Variants in SULF1 observed in about 807,000 individuals in gnomAD.
SULF1 encodes sulfatase 1.
SULF1 carries 46 observed loss-of-function variants against 110.5 expected under a neutral mutation model. The ratio of observed to expected loss-of-function variants is 0.42; its 90% CI spans 0.33 to 0.53. The LOEUF (loss-of-function observed/expected upper bound fraction) is 0.53. Ranked by LOEUF, SULF1 falls within the 20% of genes least tolerant of loss-of-function variation. SULF1 has a pLI of 0.12. For missense variants in SULF1, 941 were observed against 1,094.2 expected (o/e 0.86, Z 1.98); for synonymous variants, 371 against 387.1 (o/e 0.96, Z 0.49).
chr8:69,562,591 G>C (rs1167712210), intron 3 of SULF1, among the ~76,000 whole-genome samples: 2 of 152,150 alleles, frequency 1.3e-5, no homozygotes, highest in Non-Finnish European at 2.9e-5. Context: ...CTTTCCAAGA[G>C]AAAAGCTTTC....
chr8:69,626,712 G>C (rs780279630), intron 15 of SULF1, among the ~76,000 whole-genome samples: 2 of 152,220 alleles, frequency 1.3e-5, no homozygotes, highest in Non-Finnish European at 2.9e-5. Flanking sequence ...CCGCTGGCCC[G>C]GGTGCTAAGC....
chr8:69,614,086 T>G (rs970030660), intron 13 of SULF1, among the ~76,000 whole-genome samples: 1 of 152,036 alleles, frequency 6.6e-6, no homozygotes, highest in Non-Finnish European at 1.5e-5. Context: ...CATGTGTGGG[T>G]GTATGTATGT....
At chr8:69,478,131 G>T (rs976686186) in intron 1 of SULF1, among the ~76,000 whole-genome samples, 3 of 152,118 alleles carry the variant, frequency 2.0e-5, no homozygotes, top group African/African-American at 7.2e-5. Flanking sequence ...AGGATTACAG[G>T]TGCAAGCCAC....
chr8:69,616,053 T>C (rs754036589), intron 13 of SULF1, among the ~76,000 whole-genome samples: 6 of 151,024 alleles, frequency 4.0e-5, no homozygotes, highest in South Asian at 4.2e-4. Context: ...AATATATATA[T>C]ACACACACAT....
chr8:69,497,346 C>T (rs1436492347), intron 2 of SULF1, among the ~76,000 whole-genome samples: 3 of 151,878 alleles, frequency 2.0e-5, no homozygotes, highest in Non-Finnish European at 2.9e-5. Flanking sequence ...TTAGTAGAGA[C>T]GGGGTTTCAC....
intron 2 of SULF1, among the ~76,000 whole-genome samples, chr8:69,499,944 G>A (rs896418450): frequency 2.0e-5 from 3 of 151,872 alleles, no homozygotes; most frequent in African/African-American, 7.3e-5. Context: ...TGAGATGAGG[G>A]TCCCACTGTG....
chr8:69,492,398 G>C (rs1337954783), upstream of SULF1, among the ~76,000 whole-genome samples: 4 of 152,018 alleles, frequency 2.6e-5, no homozygotes, highest in Admixed American at 2.0e-4. Context: ...GAAAACAAGA[G>C]ACCAGGAATA....
intron 1 of SULF1, among the ~76,000 whole-genome samples, chr8:69,472,340 A>C (rs989576039): frequency 6.6e-6 from 1 of 152,206 alleles, no homozygotes; most frequent in Non-Finnish European, 1.5e-5. Flanking sequence ...GAGCTTCCAG[A>C]AGTAATTGAT....
intron 3 of SULF1, among the ~76,000 whole-genome samples, chr8:69,531,516 C>T (rs753459843): frequency 4.6e-5 from 7 of 152,122 alleles, no homozygotes; most frequent in Non-Finnish European, 7.4e-5. Context: ...TAAATCATTT[C>T]GAATTTTTTA....
intron 22 of SULF1, among the ~76,000 whole-genome samples, chr8:69,657,142 G>T (rs999231510): frequency 2.0e-5 from 3 of 152,166 alleles, no homozygotes; most frequent in Non-Finnish European, 4.4e-5. Flanking sequence ...ATTCTTTTCT[G>T]TGAGTGTAAC....
intron 6 of SULF1, 80 bp downstream of exon 6, chr8:69,576,289 A>G (rs1805606576): frequency 6.7e-7 from 1 of 1,495,496 alleles, no homozygotes; most frequent in Non-Finnish European, 9.0e-7. Flanking sequence ...AATGAAATGC[A>G]TGAAGTTCCA....
intron 5 of SULF1, 53 bp from the exon 6 acceptor site, chr8:69,575,917 T>C: frequency 6.3e-7 from 1 of 1,588,868 alleles, no homozygotes; most frequent in Admixed American, 1.7e-5. Flanking sequence ...ACAATCGAAA[T>C]AGGCATTCAT....
chr8:69,486,325 A>T (rs115580685), intron 1 of SULF1, among the ~76,000 whole-genome samples: 2,653 of 141,578 alleles, frequency 0.019, 83 homozygotes, highest in African/African-American at 0.067. Flanking sequence ...CTTTTTTTAA[A>T]AAAAAAAAAT....
At position 69,604,842 on chromosome 8, in the gene SULF1, C is replaced by G; in HGVS notation, c.1287C>G (p.Ile429Met). ...AGAAGGAAGAATCCAGCAAGAATATCCAACAGTCAAATCACTTGCCCAAAT... is the reference window on the plus strand; with the variant it reads ...AGAAGGAAGAATCCAGCAAGAATATGCAACAGTCAAATCACTTGCCCAAAT... Reference protein sequence around the residue: ...LRKKEESSKNIQQSNHLPKYE... With the variant: ...LRKKEESSKNMQQSNHLPKYE... The change falls in exon 13 of 23, where the codon ATC becomes ATG. Residue 429 changes from isoleucine (I) to methionine (M), a missense_variant. Ile to Met is a conservative substitution (Grantham distance 10, BLOSUM62 1). Transcript: ENST00000402687. The G allele has an allele frequency of 6.2e-7, 1 of 1,614,152 alleles. No homozygotes were observed. The highest frequency in any genetic ancestry group is 8.5e-7 in the Non-Finnish European group (1 of 1,180,034).
intron 16 of SULF1, 84 bp from the exon 17 acceptor site, chr8:69,627,688 C>T (rs1216346992): frequency 1.5e-5 from 14 of 906,534 alleles, no homozygotes; most frequent in Non-Finnish European, 2.5e-5. Flanking sequence ...TATTACAGAA[C>T]AGAGAAAACA....
Position 69,658,767 on chromosome 8 carries a change from GC to G in SULF1, c.*233del. On this transcript the variant is annotated 3_prime_UTR_variant, in exon 23 of 23. Coordinates refer to ENST00000402687, the MANE Select transcript of SULF1 (RefSeq NM_001128205.2). The stretch of plus-strand genomic sequence containing the variant: ...ACGGGTTCTTGGTTGTCTCTGCTGA[GC>G]ACGCTGTGTCAATGGAGATGGCCTC... 2 of 652,792 alleles carry G rather than the reference GC, an allele frequency of 3.1e-6. No individual in the cohort carries two copies. Among genetic ancestry groups the G allele is most frequent in the Non-Finnish European group, 5.7e-6 (2 of 352,946 alleles). The allele number at this position is 652,792 out of a possible 1,614,324, so 40.4% of individuals were successfully genotyped here.
intron 2 of SULF1, among the ~76,000 whole-genome samples, chr8:69,497,337 T>C (rs1810436713): frequency 1.3e-5 from 2 of 152,104 alleles, no homozygotes; most frequent in South Asian, 4.2e-4. Context: ...TTTGTATTTT[T>C]AGTAGAGACG....
chr8:69,483,239 A>G (rs1041323933), intron 1 of SULF1, among the ~76,000 whole-genome samples: 1 of 152,216 alleles, frequency 6.6e-6, no homozygotes, highest in African/African-American at 2.4e-5. Flanking sequence ...GTCAGTCATC[A>G]ATAATCAATA....
intron 3 of SULF1, among the ~76,000 whole-genome samples, chr8:69,535,816 G>C (rs1813394478): frequency 6.6e-6 from 1 of 152,120 alleles, no homozygotes; most frequent in Non-Finnish European, 1.5e-5. Flanking sequence ...CAGATCACCA[G>C]GTCAGGAGTT....
Sources: gnomAD v4.1 joint callset for allele counts (sites outside exome capture counted in the v4.1 genomes callset) on GRCh38, gnomAD v4.1.1 for gene constraint, MANE v1.5 for transcripts, NCBI Gene and HGNC (gene_info 2026-07-23, HGNC 2026-07-21) for gene names.